Variants in ZBTB16 observed in about 807,000 individuals in gnomAD.
The protein encoded by ZBTB16 is zinc finger and BTB domain containing 16, also known as zinc finger and BTB domain-containing protein 16.
ZBTB16 carries 8 observed loss-of-function variants against 56.8 expected under a neutral mutation model. The observed-to-expected ratio is 0.14, with a 90% CI of 0.08 to 0.25. ZBTB16 has a LOEUF of 0.25. Among genes scored for constraint, ZBTB16 ranks in the 10% least tolerant of loss-of-function variants. The pLI, the probability that ZBTB16 is intolerant of heterozygous loss-of-function variation, is 1.00. For synonymous variants in ZBTB16, 363 were observed against 368.5 expected (o/e 0.98, Z 0.17); for missense variants, 625 against 903.0 (o/e 0.69, Z 3.95).
At chr11:114,248,530 T>G (rs1294776388) in intron 6 of ZBTB16, among the ~76,000 whole-genome samples, 1 of 151,814 alleles carries the variant, frequency 6.6e-6, no homozygotes, top group Non-Finnish European at 1.5e-5. Context: ...GGGTGAGAGG[T>G]GGTGGAAGCT....
intron 3 of ZBTB16, among the ~76,000 whole-genome samples, chr11:114,163,415 GT>G (rs1035614170): frequency 6.7e-6 from 1 of 148,666 alleles, no homozygotes; most frequent in East Asian, 1.9e-4. Context: ...GGTTGTTTTT[GT>G]TTTTTTTGGT....
intron 2 of ZBTB16, among the ~76,000 whole-genome samples, chr11:114,093,346 G>GCAA (rs1940262414): frequency 6.6e-6 from 1 of 151,654 alleles, no homozygotes; most frequent in Non-Finnish European, 1.5e-5. Flanking sequence ...GTGGAGGGGG[G>GCAA]ATGTTGCTGT....
chr11:114,230,820 C>T (rs959717234), intron 4 of ZBTB16, among the ~76,000 whole-genome samples: 1 of 152,152 alleles, frequency 6.6e-6, no homozygotes, highest in African/African-American at 2.4e-5. Context: ...CTGTCTCGCC[C>T]AACCCCTGCT....
rs1223641374 is a variant in ZBTB16, at chr11:114,233,073, GCGCGCGCGCACA to G, written c.1454-9092_1454-9081del. 7.4e-3 allele frequency among the ~76,000 whole-genome samples: 555 copies of G among 74,544 alleles called. 5 individuals are homozygous for G. The highest frequency in any genetic ancestry group is 0.028 in the African/African-American group (527 of 18,656). 48.9% of individuals were successfully genotyped at this position (74,544 alleles called of 152,430 possible). A position where few individuals can be genotyped will look rare whatever the true frequency, so the allele number is the denominator to read the frequency against. On this transcript the variant is annotated intron_variant, in intron 4 of 6. Coordinates refer to ENST00000335953, the MANE Select transcript of ZBTB16 (RefSeq NM_006006.6). ...CTCTACTGCACATACGCATGCGCGCGCGCGCGCGCACACACACACACACACACACACACACAC... is the reference window on the plus strand; with the variant it reads ...CTCTACTGCACATACGCATGCGCGCGCACACACACACACACACACACACAC...
At chr11:114,196,987 C>T (rs901820325) in intron 4 of ZBTB16, among the ~76,000 whole-genome samples, 13 of 152,108 alleles carry the variant, frequency 8.5e-5, no homozygotes, top group Non-Finnish European at 1.5e-5. Context: ...ATTGTCTTCC[C>T]TCCCTGTGGG....
At chr11:114,163,703 T>C (rs1374747486) in intron 3 of ZBTB16, among the ~76,000 whole-genome samples, 2 of 152,166 alleles carry the variant, frequency 1.3e-5, no homozygotes, top group African/African-American at 4.8e-5. Context: ...CACATGTCCC[T>C]GCCCCCAAAT....
intron 4 of ZBTB16, among the ~76,000 whole-genome samples, chr11:114,208,401 CA>C (rs1943931473): frequency 5.9e-5 from 9 of 152,128 alleles, no homozygotes. Context: ...TCATCCTTTG[CA>C]AGTCTCAGAT....
intron 4 of ZBTB16, chr11:114,209,847 G>A: frequency 1.0e-6 from 1 of 985,404 alleles, no homozygotes; most frequent in Non-Finnish European, 1.2e-6. Flanking sequence ...GCATCCTGCT[G>A]TGGGTCTCAT....
At chr11:114,072,437 G>T (rs1374162822) in intron 2 of ZBTB16, among the ~76,000 whole-genome samples, 1 of 152,188 alleles carries the variant, frequency 6.6e-6, no homozygotes, top group Non-Finnish European at 1.5e-5. Flanking sequence ...TGTGCACGTG[G>T]CCAGGCGTGC....
intron 3 of ZBTB16, among the ~76,000 whole-genome samples, chr11:114,166,960 C>T (rs1486545693): frequency 1.3e-5 from 2 of 152,082 alleles, no homozygotes; most frequent in African/African-American, 2.4e-5. Context: ...TTCTGTGCTC[C>T]GTGCAATACT....
At chr11:114,233,066 T>TGCGCGCGCGCGC (rs71063553) in intron 4 of ZBTB16, among the ~76,000 whole-genome samples, 47 of 94,290 alleles carry the variant, frequency 5.0e-4, no homozygotes, top group African/African-American at 8.9e-4. Context: ...CACATACGCA[T>TGCGCGCGCGCGC]GCGCGCGCGC....
At chr11:114,156,574 C>G in intron 3 of ZBTB16, 140 bp downstream of exon 3, 1 of 798,892 alleles carries the variant, frequency 1.3e-6, no homozygotes, top group East Asian at 2.6e-5. Flanking sequence ...CCTGGACCCT[C>G]CCTCCAGGCT....
intron 2 of ZBTB16, among the ~76,000 whole-genome samples, chr11:114,147,357 G>T (rs1240028102): frequency 6.6e-6 from 1 of 152,212 alleles, no homozygotes; most frequent in East Asian, 1.9e-4. Flanking sequence ...TATCCAGGCA[G>T]AACAAGGAGA....
intron 2 of ZBTB16, among the ~76,000 whole-genome samples, chr11:114,149,358 A>G (rs1418418106): frequency 2.0e-5 from 3 of 152,066 alleles, no homozygotes; most frequent in African/African-American, 7.2e-5. Flanking sequence ...CTGGTTTGGT[A>G]TTTTCTCTCT....
intron 4 of ZBTB16, among the ~76,000 whole-genome samples, chr11:114,239,283 A>G (rs1944654636): frequency 6.6e-6 from 1 of 152,130 alleles, no homozygotes; most frequent in Admixed American, 6.5e-5. Flanking sequence ...CGGGGATCTC[A>G]GAGGATGCAT....
chr11:114,095,448 G>A (rs1940362350), intron 2 of ZBTB16, among the ~76,000 whole-genome samples: 1 of 151,788 alleles, frequency 6.6e-6, no homozygotes, highest in South Asian at 2.1e-4. Context: ...ATTTAGTAGA[G>A]ACGGGGTTTC....
chr11:114,096,246 AG>A (rs1319330706), intron 2 of ZBTB16, among the ~76,000 whole-genome samples: 1 of 152,162 alleles, frequency 6.6e-6, no homozygotes, highest in Non-Finnish European at 1.5e-5. Context: ...ATATGTTGCC[AG>A]GCTTTGGATA....
chr11:114,175,818 C>T (rs558324036), intron 3 of ZBTB16, among the ~76,000 whole-genome samples: 3 of 152,110 alleles, frequency 2.0e-5, no homozygotes, highest in African/African-American at 7.2e-5. Context: ...TGTCATTTGG[C>T]AGGAGTGTCA....
chr11:114,219,064 G>A (rs1164402560), intron 4 of ZBTB16, among the ~76,000 whole-genome samples: 3 of 152,148 alleles, frequency 2.0e-5, no homozygotes, highest in Non-Finnish European at 4.4e-5. Context: ...GCTGGCATGT[G>A]TATGCATGTA....
Sources: allele counts gnomAD v4.1 joint callset (sites outside exome capture counted in the v4.1 genomes callset), GRCh38; gene constraint gnomAD v4.1.1; transcripts MANE v1.5; gene names NCBI Gene and HGNC (gene_info 2026-07-23, HGNC 2026-07-21).